The following PPIG variants were observed in gnomAD, a reference collection of about 807,000 sequenced individuals.
PPIG encodes peptidylprolyl isomerase G.
PPIG carries 26 observed loss-of-function variants against 87.9 expected under a neutral mutation model. The observed-to-expected ratio is 0.30, with a 90% CI of 0.22 to 0.41. The LOEUF is 0.41. PPIG is among the 10% of genes least tolerant of loss of function. The pLI, the probability that PPIG is intolerant of heterozygous loss-of-function variation, is 1.00. For synonymous variants in PPIG, 308 were observed against 276.5 expected, an observed-to-expected ratio of 1.11 and a Z score of -1.13; for missense variants, 722 against 879.4, an observed-to-expected ratio of 0.82 and a Z score of 2.26.
At chr2:169,598,578 AC>A (rs1685086813) in intron 1 of PPIG, among the ~76,000 whole-genome samples, 1 of 152,148 alleles carries the variant, frequency 6.6e-6, no homozygotes, top group Admixed American at 6.6e-5. Flanking sequence ...GGCATGAGCC[AC>A]CGCGCCTGGC....
intron 1 of PPIG, among the ~76,000 whole-genome samples, chr2:169,588,464 G>T (rs1684767075): frequency 6.6e-6 from 1 of 151,986 alleles, no homozygotes. Flanking sequence ...TTGTCCTCTT[G>T]TTCTTGATCT....
chr2:169,601,906 C>CAA (rs140359069), intron 1 of PPIG, among the ~76,000 whole-genome samples: 144 of 138,556 alleles, frequency 1.0e-3, no homozygotes, highest in East Asian at 2.0e-3. Context: ...AAGACTTGTA[C>CAA]AAAAAAAAAA....
Position 169,613,765 on chromosome 2 carries a change from A to G in PPIG, c.378-699A>G, listed in dbSNP as rs201280179. 6.6e-5 allele frequency among the ~76,000 whole-genome samples: 10 copies of G among 152,268 alleles called. No individual in the cohort carries two copies. The East Asian group carries it at 1.7e-3, about 26-fold the overall frequency. On this transcript the variant is annotated intron_variant, in intron 7 of 13. Transcript: ENST00000260970. ...AACATAGTGAGACCTGTCTCTACAA[A>G]AAATACAAAAATTAGCCAGGCATGC...
intron 1 of PPIG, among the ~76,000 whole-genome samples, chr2:169,597,296 C>T (rs1416376559): frequency 6.6e-6 from 1 of 151,848 alleles, no homozygotes; most frequent in African/African-American, 2.4e-5. Context: ...CAAATACATA[C>T]TTGTAAAATT....
At chr2:169,590,784 C>G (rs150580732) in intron 1 of PPIG, among the ~76,000 whole-genome samples, 368 of 152,280 alleles carry the variant, frequency 2.4e-3, no homozygotes, top group African/African-American at 8.5e-3. Context: ...GGGTCAGAGA[C>G]TTGCTTGGCA....
chr2:169,590,525 C>T (rs1684837268), intron 1 of PPIG, among the ~76,000 whole-genome samples: 1 of 152,068 alleles, frequency 6.6e-6, no homozygotes, highest in Non-Finnish European at 1.5e-5. Context: ...GCCTGTAGTC[C>T]CAGCTACTCG....
At chr2:169,599,175 A>G (rs1003663774) in intron 1 of PPIG, among the ~76,000 whole-genome samples, 5 of 152,168 alleles carry the variant, frequency 3.3e-5, no homozygotes, top group African/African-American at 1.2e-4. Flanking sequence ...TCCCTTTACC[A>G]GCAGCAACAA....
chr2:169,604,929 G>A (rs370301270), intron 4 of PPIG, among the ~76,000 whole-genome samples: 1 of 151,864 alleles, frequency 6.6e-6, no homozygotes, highest in African/African-American at 2.4e-5. Context: ...TGGGCATGGT[G>A]GCTCACACCT....
In PPIG at chr2:169,617,257, C is replaced by G. The variant is rs1488200385; in HGVS notation, c.547+2533C>G. ...TACCAGTACCATGCTGTTTTGGTTA[C>G]TGTAGCCTTGCAGTATAGTTTGAAG... On this transcript the variant is annotated intron_variant, in intron 9 of 13. Coordinates refer to ENST00000260970, the MANE Select transcript of PPIG (RefSeq NM_004792.3). Among the ~76,000 whole-genome samples, 3 of 152,296 alleles carry G rather than the reference C, an allele frequency of 2.0e-5. No individual in the cohort carries two copies. In the East Asian group the frequency reaches 5.8e-4, roughly 29 times the overall value.
intron 7 of PPIG, 121 bp downstream of exon 7, chr2:169,608,879 G>A (rs936099830): frequency 3.7e-6 from 2 of 545,780 alleles, no homozygotes; most frequent in Non-Finnish European, 3.3e-6. Flanking sequence ...TCAGGAGATC[G>A]AGACCATCCT....
intron 11 of PPIG, among the ~76,000 whole-genome samples, chr2:169,632,600 G>A (rs1478586176): frequency 6.6e-6 from 1 of 151,924 alleles, no homozygotes; most frequent in Non-Finnish European, 1.5e-5. Flanking sequence ...AATTAGCCGG[G>A]TGTGGTGGCG....
chr2:169,601,809 C>CA (rs1265339331), intron 1 of PPIG, among the ~76,000 whole-genome samples: 1 of 151,830 alleles, frequency 6.6e-6, no homozygotes. Context: ...ACAGTAGCCA[C>CA]AAGCCACATG....
At chr2:169,598,750 T>G (rs1685090795) in intron 1 of PPIG, among the ~76,000 whole-genome samples, 1 of 150,060 alleles carries the variant, frequency 6.7e-6, no homozygotes, top group Non-Finnish European at 1.5e-5. Flanking sequence ...TTATATTTAT[T>G]AAATTATTTT....
chr2:169,619,098 C>T (rs1685677047), intron 9 of PPIG, among the ~76,000 whole-genome samples: 2 of 152,106 alleles, frequency 1.3e-5, no homozygotes, highest in South Asian at 2.1e-4. Context: ...TCATTGGTTT[C>T]AAAGAACTTA....
intron 9 of PPIG, among the ~76,000 whole-genome samples, chr2:169,621,720 C>T (rs1408454014): frequency 6.6e-6 from 1 of 151,032 alleles, no homozygotes; most frequent in Admixed American, 6.6e-5. Flanking sequence ...CATTTATTCT[C>T]TACTTGACAA....
chr2:169,629,650 T>C (rs1351192616), intron 9 of PPIG, among the ~76,000 whole-genome samples: 1 of 152,236 alleles, frequency 6.6e-6, no homozygotes, highest in Admixed American at 6.5e-5. Context: ...TCAGATGCAG[T>C]TGTGACTTGA....
intron 12 of PPIG, 191 bp downstream of exon 12, chr2:169,633,438 G>T (rs1181049201): frequency 6.6e-6 from 4 of 609,228 alleles, no homozygotes; most frequent in Non-Finnish European, 1.1e-5. Context: ...AAATCCATGA[G>T]ATATGAATAG....
chr2:169,622,208 G>A (rs1405280727), intron 9 of PPIG, among the ~76,000 whole-genome samples: 3 of 151,952 alleles, frequency 2.0e-5, no homozygotes, highest in African/African-American at 7.3e-5. Flanking sequence ...ATCACTTGAG[G>A]TCAGGAGGTC....
rs773591698 is a variant in PPIG at position 169,637,085 on chromosome 2, A to G, written c.1827A>G (p.Arg609=). ...GAGGACGGTCACGAAGCCGAGAGAG[A>G]AGAACACCACCAGGAAGATCAAGAA... ...RRRGRSRSRE[R]RTPPGRSRSK... Residue 609 remains arginine (R), a synonymous_variant, in exon 14 of 14, where the codon AGA becomes AGG. Transcript: ENST00000260970. The G allele has an allele frequency of 6.2e-7, 1 of 1,612,520 alleles. No individual in the cohort carries two copies. The highest frequency in any genetic ancestry group is 1.1e-5 in the South Asian group (1 of 91,004).
Sources: gnomAD v4.1 joint callset for allele counts (sites outside exome capture counted in the v4.1 genomes callset) on GRCh38, gnomAD v4.1.1 for gene constraint, MANE v1.5 for transcripts, NCBI Gene and HGNC (gene_info 2026-07-23, HGNC 2026-07-21) for gene names.